Variants in RUNX1 observed in about 807,000 individuals in gnomAD.
RUNX1 encodes the protein RUNX family transcription factor 1, also known as runt-related transcription factor 1.
A neutral mutation model predicts 42.8 loss-of-function variants in RUNX1; 19 were observed. The ratio of observed to expected loss-of-function variants is 0.44; its 90% confidence interval spans 0.31 to 0.65. The LOEUF (loss-of-function observed/expected upper bound fraction) is 0.65, where lower values mean the gene tolerates loss of function less well. Among genes scored for constraint, RUNX1 ranks in the 30% least tolerant of loss-of-function variants. RUNX1 has a pLI of 0.07. For synonymous variants in RUNX1, 271 were observed against 289.4 expected (o/e 0.94, Z 0.64); for missense variants, 528 against 672.0 (o/e 0.79, Z 2.37).
intron 2 of RUNX1, among the ~76,000 whole-genome samples, chr21:34,983,453 A>G (rs1171957303): frequency 1.3e-5 from 2 of 152,226 alleles, no homozygotes; most frequent in African/African-American, 4.8e-5. Context: ...GTTGTTATCA[A>G]CATTTTGATT....
intron 3 of RUNX1, chr21:34,888,149 T>C (rs890170642): frequency 2.8e-6 from 3 of 1,066,290 alleles, no homozygotes; most frequent in African/African-American, 3.3e-5. Flanking sequence ...GACTCAGCCC[T>C]GACTCGGGCA....
chr21:34,879,520 A>G (rs534411588), intron 5 of RUNX1, among the ~76,000 whole-genome samples: 1 of 152,266 alleles, frequency 6.6e-6, no homozygotes, highest in East Asian at 1.9e-4. Context: ...CTTTTTAAAG[A>G]GTAATAATTT....
chr21:35,047,559 ACACTCTCTCTCTCTCTCT>A (rs1398661137), intron 2 of RUNX1, among the ~76,000 whole-genome samples: 10 of 64,272 alleles, frequency 1.6e-4, no homozygotes, highest in Non-Finnish European at 2.6e-4. Flanking sequence ...ACACACACAC[ACACTCTCTCTCTCTCTCT>A]CTCTCTCTCT....
rs112828620 is a variant in RUNX1 at position 34,804,410 on chromosome 21, C to T, written c.806-4948G>A. ...ATGACATGGGAGACAAAAACAAGGA[C>T]GCTAGAGGAATTTGAAGTCTCTGGT... On this transcript the variant is annotated intron_variant, in intron 7 of 8. Coordinates refer to ENST00000675419, the MANE Select transcript of RUNX1 (RefSeq NM_001754.5). Among the ~76,000 whole-genome samples the T allele has an allele frequency of 8.7e-4, 132 of 152,158 alleles. 1 individual carries two copies. In the Middle Eastern group the frequency reaches 0.01, roughly 12 times the overall value.
chr21:34,923,257 T>C (rs1330572606), intron 2 of RUNX1, among the ~76,000 whole-genome samples: 3 of 152,208 alleles, frequency 2.0e-5, no homozygotes, highest in African/African-American at 7.2e-5. Context: ...TTCCCTTTCA[T>C]CTTGTGCAAC....
intron 7 of RUNX1, among the ~76,000 whole-genome samples, chr21:34,808,306 A>C (rs2056710050): frequency 6.6e-6 from 1 of 152,168 alleles, no homozygotes; most frequent in Non-Finnish European, 1.5e-5. Context: ...TGCTGTTTTA[A>C]AGGCCTCAGG....
At chr21:34,878,712 C>CT (rs966729616) in intron 5 of RUNX1, among the ~76,000 whole-genome samples, 94 of 152,230 alleles carry the variant, frequency 6.2e-4, no homozygotes, top group African/African-American at 2.1e-3. Flanking sequence ...ACACAAGCAC[C>CT]TATTAGTCAC....
chr21:34,986,199 T>C (rs1357256669), intron 2 of RUNX1, among the ~76,000 whole-genome samples: 3 of 152,110 alleles, frequency 2.0e-5, no homozygotes, highest in Admixed American at 6.5e-5. Context: ...TTTATGTCCC[T>C]AGATACTGTC....
At chr21:34,888,024 T>C in intron 3 of RUNX1, 4 of 1,066,164 alleles carry the variant, frequency 3.8e-6, no homozygotes, top group Non-Finnish European at 4.5e-6. Context: ...GGTTTGGGGA[T>C]GTTGGTTAAG....
chr21:34,877,937 T>A (rs2057838167), intron 5 of RUNX1, among the ~76,000 whole-genome samples: 1 of 152,126 alleles, frequency 6.6e-6, no homozygotes, highest in Non-Finnish European at 1.5e-5. Flanking sequence ...AAATTGGCAC[T>A]GAAAGTTTGG....
intron 7 of RUNX1, among the ~76,000 whole-genome samples, chr21:34,805,973 CAT>C (rs767877170): frequency 6.5e-4 from 99 of 152,108 alleles, no homozygotes; most frequent in Non-Finnish European, 1.3e-3. Flanking sequence ...TAACTAAAAA[CAT>C]TTTTAAAAAG....
intron 2 of RUNX1, among the ~76,000 whole-genome samples, chr21:34,964,119 G>A (rs924300860): frequency 1.9e-4 from 29 of 152,288 alleles, no homozygotes; most frequent in Non-Finnish European, 7.4e-5. Context: ...TGGAGGAACA[G>A]AGAACAACCA....
intron 2 of RUNX1, among the ~76,000 whole-genome samples, chr21:34,917,634 C>T (rs1601567670): frequency 6.6e-6 from 1 of 151,968 alleles, no homozygotes; most frequent in Admixed American, 6.6e-5. Context: ...AGAAGATAGA[C>T]AGATGGAAAG....
At chr21:34,889,756 G>A (rs2058056271) in intron 3 of RUNX1, 14 of 1,158,784 alleles carry the variant, frequency 1.2e-5, no homozygotes, top group Admixed American at 5.1e-5. Flanking sequence ...AGCTCGGAGG[G>A]CCCCGCCCCC....
chr21:34,862,666 CTCCCTCTTCTT>C (rs1488409070), intron 5 of RUNX1, among the ~76,000 whole-genome samples: 194 of 152,288 alleles, frequency 1.3e-3, no homozygotes, highest in African/African-American at 4.3e-3. Flanking sequence ...TGGGTGTCCC[CTCCCTCTTCTT>C]AGAAGGACAT....
intron 7 of RUNX1, among the ~76,000 whole-genome samples, chr21:34,819,655 T>C (rs563125772): frequency 6.6e-6 from 1 of 152,336 alleles, no homozygotes; most frequent in African/African-American, 2.4e-5. Context: ...CTTCATCTGG[T>C]CCCAGCTCTC....
chr21:34,872,205 C>G lies in RUNX1; in HGVS notation c.508+8352G>C, dbSNP rs373698666. Among the ~76,000 whole-genome samples, 9 of 152,320 alleles carry G rather than the reference C, an allele frequency of 5.9e-5. No individual in the cohort carries two copies. In the East Asian group the frequency reaches 7.7e-4, roughly 13 times the overall value. ...CTGACATCAATTCCCATTCCTAGAT[C>G]AGTGGCTCCATGGACTCTCTGCTGA... On this transcript the variant is annotated intron_variant, in intron 5 of 8. Transcript: ENST00000675419.
At chr21:34,818,122 G>A (rs772978217) in intron 7 of RUNX1, among the ~76,000 whole-genome samples, 1 of 152,182 alleles carries the variant, frequency 6.6e-6, no homozygotes, top group Non-Finnish European at 1.5e-5. Context: ...ACTGACAGGC[G>A]CCCTCAGTGT....
At chr21:34,872,205 C>T (rs373698666) in intron 5 of RUNX1, among the ~76,000 whole-genome samples, 3 of 152,202 alleles carry the variant, frequency 2.0e-5, no homozygotes, top group South Asian at 4.1e-4. Flanking sequence ...ATTCCTAGAT[C>T]AGTGGCTCCA....
Sources: allele counts gnomAD v4.1 joint callset (sites outside exome capture counted in the v4.1 genomes callset), GRCh38; gene constraint gnomAD v4.1.1; transcripts MANE v1.5; gene names NCBI Gene and HGNC (gene_info 2026-07-23, HGNC 2026-07-21).